ZFP28: variants seen among roughly 807,000 people sequenced by gnomAD.
The protein encoded by ZFP28 is ZFP28 zinc finger protein.
In ZFP28, 31 loss-of-function variants were observed where a neutral mutation model predicts 39.5. The ratio of observed to expected loss-of-function variants is 0.79; its 90% CI spans 0.59 to 1.06. ZFP28 has a LOEUF of 1.06. ZFP28 is among the 50% of genes least tolerant of loss of function. The probability of loss-of-function intolerance (pLI) is 0.00; values close to 1 mark genes in which losing one functional copy is unlikely to be tolerated. For synonymous variants in ZFP28, 400 were observed against 378.6 expected (o/e 1.06, Z -0.66); for missense variants, 925 against 1,048.4 (o/e 0.88, Z 1.63).
intron 7 of ZFP28, chr19:56,552,424 T>C (rs2044312226): frequency 1.3e-5 from 2 of 152,158 alleles, no homozygotes; most frequent in South Asian, 4.1e-4. Flanking sequence ...TTAATTTGCA[T>C]TTCCCCAACT....
chr19:56,537,462 G>A (rs1011059664), upstream of ZFP28, among the ~76,000 whole-genome samples: 1 of 152,164 alleles, frequency 6.6e-6, no homozygotes, highest in Non-Finnish European at 1.5e-5. Flanking sequence ...AAGGAGACTG[G>A]GGAGGTGAGT....
chr19:56,540,924 G>C (rs984361660), intron 2 of ZFP28, among the ~76,000 whole-genome samples: 1 of 139,950 alleles, frequency 7.1e-6, no homozygotes, highest in Admixed American at 7.1e-5. Flanking sequence ...TCTTACCTCC[G>C]TGACTTGAAC....
intron 2 of ZFP28, among the ~76,000 whole-genome samples, chr19:56,540,477 G>T (rs1463646246): frequency 6.6e-6 from 1 of 152,110 alleles, no homozygotes. Flanking sequence ...TTCCACTGAG[G>T]CCTCAAAAAA....
At position 56,549,140 on chromosome 19, in the gene ZFP28, T is replaced by A. The variant is rs2044270608; in HGVS notation, c.687+19T>A. On this transcript the variant is annotated intron_variant, in intron 5 of 7. Transcript: ENST00000301318. ...ACAGCCGGTAAGTCACAAGACAAATTTCAGGCAAGAGGAAGGATCCTTCAT... is the reference window on the plus strand; with the variant it reads ...ACAGCCGGTAAGTCACAAGACAAATATCAGGCAAGAGGAAGGATCCTTCAT... 2 of 1,590,490 alleles carry A rather than the reference T, an allele frequency of 1.3e-6. No individual in the cohort carries two copies. The highest frequency in any genetic ancestry group is 1.7e-6 in the Non-Finnish European group (2 of 1,167,100).
chr19:56,540,757 C>T (rs2044188913), intron 2 of ZFP28, among the ~76,000 whole-genome samples: 1 of 152,212 alleles, frequency 6.6e-6, no homozygotes, highest in Non-Finnish European at 1.5e-5. Context: ...AATGGATGGG[C>T]TGTGTTCCAG....
intron 5 of ZFP28, among the ~76,000 whole-genome samples, chr19:56,549,803 GGTTCATACTGTGTGTAA>G (rs963388906): frequency 2.0e-5 from 3 of 152,118 alleles, no homozygotes; most frequent in Admixed American, 6.5e-5. Context: ...TCTGTTAAAA[GGTTCATACTGTGTGTAA>G]GTTCATACTG....
chr19:56,538,862 C>A (rs1298744056), upstream of ZFP28: 1 of 316,306 alleles, frequency 3.2e-6, no homozygotes, highest in South Asian at 1.8e-4. Context: ...GGGCGGGGCG[C>A]GGCCGGGGGC....
In ZFP28 at chr19:56,554,450, T is replaced by C; in HGVS notation, c.1665T>C (p.His555=). Residue 555 remains histidine, a synonymous_variant, in exon 8 of 8, where the codon CAT becomes CAC. Coordinates refer to ENST00000301318, the MANE Select transcript of ZFP28 (RefSeq NM_020828.2). This position sits in a 1 kb window ranked among gnomAD's most constrained non-coding sequence, Gnocchi z 6.7. ...GSSLTVHQRI[H]TGEKPYECDV... is the part of the protein sequence containing the mutation. ...CCCTTACTGTACATCAAAGGATTCA[T>C]ACCGGAGAAAAACCATATGAATGTG... 6.2e-7 allele frequency: 1 copy of C among 1,614,234 alleles called. No individual in the cohort carries two copies. The highest frequency in any genetic ancestry group is 8.5e-7 in the Non-Finnish European group (1 of 1,180,052).
intron 1 of ZFP28, 61 bp from the exon 2 acceptor site, chr19:56,539,564 T>TTCCC (rs1379027708): frequency 7.0e-7 from 1 of 1,426,010 alleles, no homozygotes; most frequent in East Asian, 2.3e-5. Context: ...GGGACGTTTC[T>TTCCC]AGGCTGGTGA....
rs1160217833 is a variant in ZFP28, at chr19:56,539,028, G to T, written c.10G>T (p.Ala4Ser). The T allele has an allele frequency of 1.2e-5, 17 of 1,435,636 alleles. No individual in the cohort carries two copies. In the African/African-American group the frequency reaches 2.2e-4, roughly 19 times the overall value. The allele number at this position is 1,435,636 out of a possible 1,614,324, so 88.9% of individuals were successfully genotyped here. A position where few individuals can be genotyped will look rare whatever the true frequency, so the allele number is the denominator to read the frequency against. ...CGCGGCCTCGGGTGACATGCGGGGG[G>T]CGGCGAGCGCGAGTGTCCGCGAGCC... Reference protein sequence around the residue: MRGAASASVREPTP... With the variant: MRGSASASVREPTP... The change falls in exon 1 of 8, where the codon GCG (alanine) becomes TCG (serine). Residue 4 changes from alanine to serine, a missense_variant. Transcript: ENST00000301318.
rs551895827 is a variant in ZFP28, at chr19:56,547,249, C to T, written c.301-259C>T. On this transcript the variant is annotated intron_variant, in intron 2 of 7. Coordinates refer to ENST00000301318, the MANE Select transcript of ZFP28 (RefSeq NM_020828.2). The surrounding 1 kb of genome is among the most constrained non-coding windows in gnomAD (Gnocchi z 4.6). ...GTCCTCACGTGGTCTTTTCCCTGTG[C>T]CTGCACACCGTGGTATCTCTTCCTG... is the stretch of plus-strand genomic sequence containing the variant. 1.1e-5 allele frequency: 5 copies of T among 447,536 alleles called. No homozygotes were observed. Among genetic ancestry groups the T allele is most frequent in the African/African-American group, 4.1e-5 (2 of 49,108 alleles). 27.7% of individuals were successfully genotyped at this position (447,536 alleles called of 1,614,324 possible).
In ZFP28 at chr19:56,547,652, T is replaced by G; in HGVS notation, c.427+18T>G. 1 of 1,537,772 alleles carries G rather than the reference T, an allele frequency of 6.5e-7. No individual in the cohort carries two copies. The highest frequency in any genetic ancestry group is 8.9e-7 in the Non-Finnish European group (1 of 1,127,650). On this transcript the variant is annotated intron_variant, in intron 3 of 7. Transcript: ENST00000301318. This position sits in a 1 kb window ranked among gnomAD's most constrained non-coding sequence, Gnocchi z 4.6. ...ATCGCTGGGTAAGGGCTCCCACCCC[T>G]TTTCCCACCCCTCACCCTACCCACG...
At chr19:56,546,747 G>T (rs987080709) in intron 2 of ZFP28, 1 of 152,056 alleles carries the variant, frequency 6.6e-6, no homozygotes, top group Non-Finnish European at 1.5e-5. Flanking sequence ...CCCAGTTCTT[G>T]TGCTGCTTCA....
chr19:56,546,393 A>G (rs2044241764), intron 2 of ZFP28: 1 of 152,200 alleles, frequency 6.6e-6, no homozygotes, highest in Non-Finnish European at 1.5e-5. Flanking sequence ...TTGTAAAACT[A>G]TGCTCCATAA....
chr19:56,549,394 G>A (rs1479550945), intron 5 of ZFP28, among the ~76,000 whole-genome samples: 1 of 152,116 alleles, frequency 6.6e-6, no homozygotes, highest in African/African-American at 2.4e-5. Flanking sequence ...GCTTTGAGCA[G>A]AGGCCAGGCG....
In ZFP28 at chr19:56,550,182, G is replaced by A. The variant is rs2044284974; in HGVS notation, c.802+1G>A. ...AACAACAGTGACCTGGGATCAGCAG[G>A]TAAGGATGTCCCTCTCCCATATTTG... On this transcript the variant is annotated splice_donor_variant, in intron 6 of 7. Transcript: ENST00000301318. LOFTEE classifies it high-confidence loss of function. 29 of 1,604,902 alleles carry A rather than the reference G, an allele frequency of 1.8e-5. No homozygotes were observed. Among genetic ancestry groups the A allele is most frequent in the Non-Finnish European group, 2.4e-5 (28 of 1,175,336 alleles).
chr19:56,542,355 T>C (rs1020640714), intron 2 of ZFP28, among the ~76,000 whole-genome samples: 9 of 152,164 alleles, frequency 5.9e-5, no homozygotes, highest in East Asian at 3.9e-4. Flanking sequence ...GGTTTTGCCA[T>C]GTTTCCCAGG....
chr19:56,539,451 G>A (rs2286423), intron 1 of ZFP28, among the ~76,000 whole-genome samples, 174 bp from the exon 2 acceptor site: 69,519 of 151,898 alleles, frequency 0.46, 16,182 homozygotes, highest in Middle Eastern at 0.54. Flanking sequence ...CTAACTAGAC[G>A]CTTTTCCTGT....
intron 7 of ZFP28, chr19:56,551,450 T>C (rs1487600007): frequency 1.0e-6 from 1 of 985,392 alleles, no homozygotes; most frequent in African/African-American, 1.7e-5. Flanking sequence ...ACGTTTTTCA[T>C]GTGGATTCCA....
Sources: allele counts gnomAD v4.1 joint callset (sites outside exome capture counted in the v4.1 genomes callset), GRCh38; gene constraint gnomAD v4.1.1; non-coding constraint Gnocchi (gnomAD v3.1); transcripts MANE v1.5; gene names NCBI Gene and HGNC (gene_info 2026-07-23, HGNC 2026-07-21).